The following KRABD5 variants were observed in gnomAD, a reference collection of about 807,000 sequenced individuals.
The protein encoded by KRABD5 is KRAB domain-containing protein 5.
At chr16:31,757,501 A>C in the KRABD5 span, 1 of 152,188 alleles carries the variant, frequency 6.6e-6, no homozygotes, top group African/African-American at 2.4e-5. Context: ...ACCTATAGAC[A>C]TAACCCTACT....
the KRABD5 span, among the ~76,000 whole-genome samples, chr16:31,715,863 C>T: frequency 1.3e-5 from 2 of 152,236 alleles, no homozygotes; most frequent in East Asian, 3.9e-4. Context: ...GGAAGGGAGG[C>T]TGTATTCCCC....
chr16:31,715,846 G>A, the KRABD5 span, among the ~76,000 whole-genome samples: 68 of 152,236 alleles, frequency 4.5e-4, no homozygotes, highest in African/African-American at 1.6e-3. Context: ...GACTCTGGGT[G>A]TCTCCAGGAA....
At chr16:31,746,050 T>C in the KRABD5 span, among the ~76,000 whole-genome samples, 4 of 152,246 alleles carry the variant, frequency 2.6e-5, no homozygotes, top group South Asian at 2.1e-4. Flanking sequence ...AGCAAACCAA[T>C]TGGTCTTGAC....
At chr16:31,728,584 G>A in the KRABD5 span, among the ~76,000 whole-genome samples, 1 of 151,424 alleles carries the variant, frequency 6.6e-6, no homozygotes, top group Non-Finnish European at 1.5e-5. Context: ...TAATATTTAC[G>A]TATTTGTGAA....
the KRABD5 span, chr16:31,759,686 A>T: frequency 1.5e-5 from 4 of 265,922 alleles, no homozygotes; most frequent in South Asian, 2.1e-4. Context: ...TAGCATTTGT[A>T]TAAATGTACA....
chr16:31,716,884 G>A, the KRABD5 span, among the ~76,000 whole-genome samples: 2 of 151,630 alleles, frequency 1.3e-5, no homozygotes, highest in East Asian at 3.9e-4. Context: ...TCTTTTTCTT[G>A]AATCATTTAC....
the KRABD5 span, among the ~76,000 whole-genome samples, chr16:31,738,962 A>G: frequency 1.3e-5 from 2 of 152,120 alleles, no homozygotes; most frequent in African/African-American, 2.4e-5. Context: ...TGAACTCTCC[A>G]TTGTATTTTA....
chr16:31,747,330 T>C, the KRABD5 span, among the ~76,000 whole-genome samples: 1 of 152,188 alleles, frequency 6.6e-6, no homozygotes, highest in African/African-American at 2.4e-5. Context: ...CATCCTTTTT[T>C]ATGGCTGCAT....
the KRABD5 span, among the ~76,000 whole-genome samples, chr16:31,725,099 A>G: frequency 7.2e-6 from 1 of 138,040 alleles, no homozygotes; most frequent in East Asian, 2.0e-4. Context: ...TATCTCTTTA[A>G]CATACTGATT....
chr16:31,730,268 C>G, the KRABD5 span, among the ~76,000 whole-genome samples: 2 of 151,692 alleles, frequency 1.3e-5, no homozygotes, highest in Admixed American at 6.6e-5. Context: ...GTCTTCATCT[C>G]TCTTTTATTT....
At chr16:31,734,380 C>T in the KRABD5 span, among the ~76,000 whole-genome samples, 26 of 151,830 alleles carry the variant, frequency 1.7e-4, no homozygotes, top group Admixed American at 7.2e-4. Context: ...CTCCCCAAGT[C>T]GTTAGGACTA....
At chr16:31,757,687 G>T in the KRABD5 span, 1 of 152,136 alleles carries the variant, frequency 6.6e-6, no homozygotes, top group Non-Finnish European at 1.5e-5. Context: ...ATATATGGAG[G>T]CTGTTTCTCA....
At chr16:31,737,197 G>C in the KRABD5 span, among the ~76,000 whole-genome samples, 3 of 151,082 alleles carry the variant, frequency 2.0e-5, no homozygotes, top group Non-Finnish European at 4.4e-5. Flanking sequence ...AGAAGTTCTA[G>C]CCAGAGCAAT....
At chr16:31,739,730 G>A in the KRABD5 span, among the ~76,000 whole-genome samples, 3 of 152,124 alleles carry the variant, frequency 2.0e-5, no homozygotes, top group Admixed American at 6.6e-5. Flanking sequence ...CCATAAACTG[G>A]TCCCAAAACT....
chr16:31,729,243 T>A, the KRABD5 span, among the ~76,000 whole-genome samples: 1 of 152,214 alleles, frequency 6.6e-6, no homozygotes, highest in African/African-American at 2.4e-5. Flanking sequence ...CCACTGTCTG[T>A]TTTAAATCCA....
At chr16:31,732,461 C>T in the KRABD5 span, among the ~76,000 whole-genome samples, 4 of 151,950 alleles carry the variant, frequency 2.6e-5, no homozygotes, top group Non-Finnish European at 5.9e-5. Flanking sequence ...TAGTGGGTAC[C>T]ACATATTTAT....
At chr16:31,716,968 G>A in the KRABD5 span, among the ~76,000 whole-genome samples, 33 of 147,348 alleles carry the variant, frequency 2.2e-4, no homozygotes, top group African/African-American at 8.0e-4. Context: ...CAGCTAAACA[G>A]ATCTTTTGTC....
chr16:31,713,518 G>A, the KRABD5 span: 1 of 1,522,894 alleles, frequency 6.6e-7, no homozygotes, highest in Non-Finnish European at 8.9e-7. Flanking sequence ...GTTAGCTTCG[G>A]GGTCTGGGCC....
the KRABD5 span, among the ~76,000 whole-genome samples, chr16:31,738,792 T>C: frequency 6.6e-6 from 1 of 152,188 alleles, no homozygotes; most frequent in Non-Finnish European, 1.5e-5. Context: ...CTGTTGATTT[T>C]TGTAATGACA....
Sources: allele counts gnomAD v4.1 joint callset (sites outside exome capture counted in the v4.1 genomes callset), GRCh38; gene constraint gnomAD v4.1.1; transcripts MANE v1.5; gene names NCBI Gene and HGNC (gene_info 2026-07-23, HGNC 2026-07-21).